The following ST8SIA6 variants were observed in gnomAD, a reference collection of about 807,000 sequenced individuals.
ST8SIA6 encodes ST8 alpha-N-acetyl-neuraminide alpha-2,8-sialyltransferase 6, also known as alpha-2,8-sialyltransferase 8F.
In ST8SIA6, 39 loss-of-function variants were observed where a neutral mutation model predicts 33.6. The observed-to-expected ratio is 1.16, with a 90% CI of 0.90 to 1.52. The LOEUF is 1.52. Ranked by LOEUF, ST8SIA6 falls within the 40% of genes most tolerant of loss-of-function variation. ST8SIA6 has a pLI of 0.00. For synonymous variants in ST8SIA6, 172 were observed against 167.2 expected, an observed-to-expected ratio of 1.03 and a Z score of -0.22; for missense variants, 441 against 443.8, an observed-to-expected ratio of 0.99 and a Z score of 0.06.
Position 17,408,493 on chromosome 10 carries a change from G to A in ST8SIA6, c.201-17873C>T, listed in dbSNP as rs567147792. On this transcript the variant is annotated intron_variant, in intron 2 of 7. Coordinates refer to ENST00000377602, the MANE Select transcript of ST8SIA6 (RefSeq NM_001004470.3). The stretch of plus-strand genomic sequence containing the variant: ...CAGCCTGGCCAACATGTGAAACCCC[G>A]TCTCTACTAGAAAGGCAAAAATTAG... Among the ~76,000 whole-genome samples, 8 of 151,970 alleles carry A rather than the reference G, an allele frequency of 5.3e-5. No homozygotes were observed. The South Asian group carries it at 6.2e-4, about 12-fold the overall frequency.
intron 4 of ST8SIA6, among the ~76,000 whole-genome samples, chr10:17,335,143 T>G (rs574034965): frequency 2.0e-4 from 31 of 152,254 alleles, no homozygotes; most frequent in Non-Finnish European, 3.7e-4. Flanking sequence ...CAGGTTTTCC[T>G]CATAGGACCA....
Position 17,322,271 on chromosome 10 carries a change from A to T in ST8SIA6, c.728+794T>A, listed in dbSNP as rs567801280. On this transcript the variant is annotated intron_variant, in intron 7 of 7. Coordinates refer to ENST00000377602, the MANE Select transcript of ST8SIA6 (RefSeq NM_001004470.3). ...AAGAAAGGAAAAAGAGAGAAAGAAAAGAAGGAGGGAGGAAGGAAGGAAAGA... is the reference window on the plus strand; with the variant it reads ...AAGAAAGGAAAAAGAGAGAAAGAAATGAAGGAGGGAGGAAGGAAGGAAAGA... Among the ~76,000 whole-genome samples, 5 of 152,034 alleles carry T rather than the reference A, an allele frequency of 3.3e-5. No individual in the cohort carries two copies. In the South Asian group the frequency reaches 1.0e-3, roughly 32 times the overall value.
At chr10:17,372,376 T>G (rs1201462672) in intron 3 of ST8SIA6, among the ~76,000 whole-genome samples, 1 of 152,242 alleles carries the variant, frequency 6.6e-6, no homozygotes, top group Non-Finnish European at 1.5e-5. Context: ...TTCAAATTTC[T>G]GACTTAAAAT....
At chr10:17,341,338 A>T (rs1848666685) in intron 4 of ST8SIA6, among the ~76,000 whole-genome samples, 1 of 152,190 alleles carries the variant, frequency 6.6e-6, no homozygotes, top group Non-Finnish European at 1.5e-5. Context: ...TAGGTGAAGA[A>T]CTAATAACGT....
intron 5 of ST8SIA6, among the ~76,000 whole-genome samples, chr10:17,327,894 A>G (rs570684242): frequency 5.3e-5 from 8 of 152,204 alleles, no homozygotes; most frequent in African/African-American, 1.9e-4. Flanking sequence ...GCGACAGAGC[A>G]AGACTCTGTT....
At chr10:17,343,853 A>G (rs1038123946) in intron 4 of ST8SIA6, among the ~76,000 whole-genome samples, 1 of 152,210 alleles carries the variant, frequency 6.6e-6, no homozygotes, top group Non-Finnish European at 1.5e-5. Context: ...TTTGAAGCTC[A>G]TGTCTATAGA....
intron 3 of ST8SIA6, among the ~76,000 whole-genome samples, chr10:17,383,124 A>C (rs1390514109): frequency 6.0e-5 from 9 of 150,432 alleles, no homozygotes; most frequent in African/African-American, 2.2e-4. Context: ...GAAGGTTTTC[A>C]CTTTTTTTTT....
At chr10:17,411,172 TTG>T (rs72283269) in intron 2 of ST8SIA6, among the ~76,000 whole-genome samples, 37 of 149,910 alleles carry the variant, frequency 2.5e-4, no homozygotes, top group South Asian at 1.3e-3. Context: ...CTTGAACTCT[TTG>T]TGTGTGTGTG....
chr10:17,377,283 C>T (rs1849950694), intron 3 of ST8SIA6, among the ~76,000 whole-genome samples: 2 of 152,170 alleles, frequency 1.3e-5, no homozygotes, highest in Admixed American at 6.5e-5. Context: ...CTGCCCCACC[C>T]CTCTCTCCCT....
At chr10:17,426,690 C>A (rs1851949911) in intron 2 of ST8SIA6, among the ~76,000 whole-genome samples, 1 of 152,216 alleles carries the variant, frequency 6.6e-6, no homozygotes, top group African/African-American at 2.4e-5. Context: ...CTGAGCCTGG[C>A]TGCTACAATG....
chr10:17,377,048 C>T (rs906970399), intron 3 of ST8SIA6, among the ~76,000 whole-genome samples: 1 of 152,134 alleles, frequency 6.6e-6, no homozygotes, highest in African/African-American at 2.4e-5. Context: ...ACTGAAGAAC[C>T]ACAAAAGAAG....
intron 2 of ST8SIA6, among the ~76,000 whole-genome samples, chr10:17,417,236 G>A (rs896146664): frequency 6.6e-5 from 10 of 152,018 alleles, no homozygotes; most frequent in African/African-American, 1.4e-4. Context: ...CATTACTGCC[G>A]AGACATTCAT....
chr10:17,413,899 T>C (rs1588902462), intron 2 of ST8SIA6, among the ~76,000 whole-genome samples: 1 of 152,218 alleles, frequency 6.6e-6, no homozygotes, highest in East Asian at 1.9e-4. Context: ...GGGTATTTTT[T>C]ATCACTAGTT....
At chr10:17,326,631 A>G (rs1213334996) in intron 6 of ST8SIA6, among the ~76,000 whole-genome samples, 1 of 152,186 alleles carries the variant, frequency 6.6e-6, no homozygotes, top group Non-Finnish European at 1.5e-5. Flanking sequence ...GCTGTTAAAC[A>G]AAAACAAAAA....
At chr10:17,401,286 C>T (rs1851029486) in intron 2 of ST8SIA6, among the ~76,000 whole-genome samples, 1 of 152,136 alleles carries the variant, frequency 6.6e-6, no homozygotes, top group South Asian at 2.1e-4. Flanking sequence ...AAAGAGGACA[C>T]AAACAAATGA....
intron 2 of ST8SIA6, among the ~76,000 whole-genome samples, chr10:17,430,870 T>C (rs963069886): frequency 3.3e-5 from 5 of 152,196 alleles, no homozygotes; most frequent in African/African-American, 4.8e-5. Context: ...TTTTATGTTC[T>C]TATTAAGGTT....
chr10:17,397,357 C>T (rs527417546), intron 2 of ST8SIA6, among the ~76,000 whole-genome samples: 305 of 151,984 alleles, frequency 2.0e-3, no homozygotes, highest in African/African-American at 7.1e-3. Context: ...CCTCAGCCTC[C>T]TGTGTAGCTG....
At chr10:17,341,914 A>AAAC (rs1387162754) in intron 4 of ST8SIA6, among the ~76,000 whole-genome samples, 3 of 150,854 alleles carry the variant, frequency 2.0e-5, no homozygotes, top group Admixed American at 6.6e-5. Flanking sequence ...AAAAAAAAAA[A>AAAC]AAAAAAACAA....
At chr10:17,421,634 C>G (rs891722289) in intron 2 of ST8SIA6, among the ~76,000 whole-genome samples, 1 of 152,054 alleles carries the variant, frequency 6.6e-6, no homozygotes, top group African/African-American at 2.4e-5. Context: ...GTAATCACAG[C>G]TCACTGCTGC....
Sources: gnomAD v4.1 joint callset for allele counts (sites outside exome capture counted in the v4.1 genomes callset) on GRCh38, gnomAD v4.1.1 for gene constraint, MANE v1.5 for transcripts, NCBI Gene and HGNC (gene_info 2026-07-23, HGNC 2026-07-21) for gene names.